The following SGCZ variants were observed in gnomAD, a reference collection of about 807,000 sequenced individuals.
The protein encoded by SGCZ is zeta-sarcoglycan.
SGCZ carries 40 observed loss-of-function variants against 41.3 expected under a neutral mutation model. That is an observed-to-expected ratio of 0.97 (90% CI 0.75 to 1.26). SGCZ has a LOEUF of 1.26. Ranked by LOEUF, SGCZ falls within the 50% of genes most tolerant of loss-of-function variation. The probability of loss-of-function intolerance (pLI) is 0.00; values close to 1 mark genes in which losing one functional copy is unlikely to be tolerated. For synonymous variants in SGCZ, 206 were observed against 137.5 expected (o/e 1.50, Z -3.49); for missense variants, 552 against 369.8 (o/e 1.49, Z -4.04).
intron 1 of SGCZ, among the ~76,000 whole-genome samples, chr8:15,009,741 CTA>C (rs1802761439): frequency 6.6e-6 from 1 of 152,142 alleles, no homozygotes; most frequent in Non-Finnish European, 1.5e-5. Flanking sequence ...CTCTTCATAT[CTA>C]TATGAGACCT....
chr8:14,754,199 TA>T (rs1196469472), intron 1 of SGCZ, among the ~76,000 whole-genome samples: 1 of 152,130 alleles, frequency 6.6e-6, no homozygotes, highest in Non-Finnish European at 1.5e-5. Context: ...TAAATCTGAT[TA>T]CTCTTATAAC....
intron 1 of SGCZ, among the ~76,000 whole-genome samples, chr8:14,892,328 C>G (rs1805046315): frequency 6.6e-6 from 1 of 152,108 alleles, no homozygotes; most frequent in African/African-American, 2.4e-5. Flanking sequence ...ATTCCTGTCA[C>G]TCAAAAGCGT....
chr8:14,365,340 C>T (rs912487318), intron 2 of SGCZ, among the ~76,000 whole-genome samples: 4 of 151,958 alleles, frequency 2.6e-5, no homozygotes, highest in African/African-American at 9.7e-5. Flanking sequence ...TATTGTATTA[C>T]AAAATATTTT....
At chr8:14,298,583 T>C (rs900105545) in intron 3 of SGCZ, among the ~76,000 whole-genome samples, 2 of 152,010 alleles carry the variant, frequency 1.3e-5, no homozygotes, top group African/African-American at 4.8e-5. Context: ...TAATACCATT[T>C]ATTACAACAT....
intron 4 of SGCZ, among the ~76,000 whole-genome samples, chr8:14,192,833 C>T (rs1805147141): frequency 6.6e-6 from 1 of 151,854 alleles, no homozygotes. Context: ...TTATGGAGAC[C>T]AGCCTGAAAT....
intron 1 of SGCZ, among the ~76,000 whole-genome samples, chr8:15,210,836 G>T (rs568470110): frequency 1.3e-5 from 2 of 151,922 alleles, no homozygotes; most frequent in African/African-American, 4.8e-5. Context: ...TTCTTACTCA[G>T]TCACTCCCAT....
intron 2 of SGCZ, among the ~76,000 whole-genome samples, chr8:14,551,544 T>TATATATTATATATA (rs1803845790): frequency 2.3e-3 from 14 of 6,196 alleles, no homozygotes; most frequent in African/African-American, 4.7e-3. Context: ...ATATATATAA[T>TATATATTATATATA]ATATATAATA....
At chr8:14,130,797 T>TA in intron 5 of SGCZ, among the ~76,000 whole-genome samples, 1 of 152,286 alleles carries the variant, frequency 6.6e-6, no homozygotes. Flanking sequence ...GGAAGGCAGG[T>TA]ATGTTTTTTC....
chr8:14,854,432 A>G (rs1803470101), intron 1 of SGCZ, among the ~76,000 whole-genome samples: 1 of 151,052 alleles, frequency 6.6e-6, no homozygotes, highest in Non-Finnish European at 1.5e-5. Flanking sequence ...GAAAGAAAAG[A>G]TAAAAATATA....
At chr8:14,479,568 A>G (rs1801464171) in intron 2 of SGCZ, among the ~76,000 whole-genome samples, 1 of 152,032 alleles carries the variant, frequency 6.6e-6, no homozygotes, top group African/African-American at 2.4e-5. Context: ...CCTGTTATCT[A>G]TTTAGAGCTA....
chr8:14,969,409 T>A (rs557918125), intron 1 of SGCZ, among the ~76,000 whole-genome samples: 1 of 152,090 alleles, frequency 6.6e-6, no homozygotes, highest in Admixed American at 6.6e-5. Context: ...ATTTAAAGTA[T>A]AGAATTTGGA....
chr8:14,441,382 C>T (rs1800259237), intron 2 of SGCZ, among the ~76,000 whole-genome samples: 1 of 152,166 alleles, frequency 6.6e-6, no homozygotes, highest in East Asian at 1.9e-4. Flanking sequence ...TGAGGCCATC[C>T]TGTCCAACAT....
At chr8:14,700,986 C>G (rs1289952394) in intron 1 of SGCZ, among the ~76,000 whole-genome samples, 1 of 151,856 alleles carries the variant, frequency 6.6e-6, no homozygotes, top group Non-Finnish European at 1.5e-5. Context: ...AAGTTAATCC[C>G]TTACTTTACT....
At chr8:15,115,705 T>C (rs570416273) in intron 1 of SGCZ, among the ~76,000 whole-genome samples, 110 of 152,362 alleles carry the variant, frequency 7.2e-4, no homozygotes, top group African/African-American at 2.6e-3. Flanking sequence ...GATGTTCCAT[T>C]GTGCAAATGT....
rs529812029 is a variant in SGCZ at position 14,479,731 on chromosome 8, C to CTTTTTTTTTTTTTTTTTTTTT, written c.234+74980_234+75000dup. ...GTCGCATACCTCCAGAATTCTACTT[C>CTTTTTTTTTTTTTTTTTTTTT]TTTTTTTTTTTTTTTTTTTTTTTTT... is the stretch of plus-strand genomic sequence containing the variant. On this transcript the variant is annotated intron_variant, in intron 2 of 7. Coordinates refer to ENST00000382080, the MANE Select transcript of SGCZ (RefSeq NM_139167.4). Among the ~76,000 whole-genome samples, 16 of 52,968 alleles carry CTTTTTTTTTTTTTTTTTTTTT rather than the reference C, an allele frequency of 3.0e-4. 1 individual carries two copies. The highest frequency in any genetic ancestry group is 7.6e-4 in the African/African-American group (15 of 19,796). The allele number at this position is 52,968 out of a possible 152,430, so 34.7% of individuals were successfully genotyped here.
intron 1 of SGCZ, among the ~76,000 whole-genome samples, chr8:15,100,990 A>T (rs1397843314): frequency 6.6e-6 from 1 of 151,784 alleles, no homozygotes; most frequent in Non-Finnish European, 1.5e-5. Context: ...AAAAAAAAAT[A>T]CTCTTTACCC....
intron 2 of SGCZ, among the ~76,000 whole-genome samples, chr8:14,401,551 T>C (rs1329717774): frequency 1.3e-5 from 2 of 150,050 alleles, no homozygotes; most frequent in Non-Finnish European, 3.0e-5. Flanking sequence ...GGTTTTTTGT[T>C]CTTGCGATAG....
intron 1 of SGCZ, among the ~76,000 whole-genome samples, chr8:15,157,061 T>C (rs1321095126): frequency 6.6e-6 from 1 of 151,930 alleles, no homozygotes; most frequent in Non-Finnish European, 1.5e-5. Flanking sequence ...ACATGAACAG[T>C]GAACCTCCAA....
chr8:14,407,274 G>A (rs934163046), intron 2 of SGCZ, among the ~76,000 whole-genome samples: 17 of 151,802 alleles, frequency 1.1e-4, no homozygotes, highest in Admixed American at 2.6e-4. Flanking sequence ...TCACCATGCT[G>A]GCCAGGCTGG....
Sources: gnomAD v4.1 joint callset for allele counts (sites outside exome capture counted in the v4.1 genomes callset) on GRCh38, gnomAD v4.1.1 for gene constraint, MANE v1.5 for transcripts, NCBI Gene and HGNC (gene_info 2026-07-23, HGNC 2026-07-21) for gene names.